SPINT2: variants seen among roughly 807,000 people sequenced by gnomAD.
The protein encoded by SPINT2 is serine peptidase inhibitor, Kunitz type 2, also known as kunitz-type protease inhibitor 2.
In SPINT2, 18 loss-of-function variants were observed where a neutral mutation model predicts 30.1. The observed-to-expected ratio is 0.60, with a 90% confidence interval of 0.41 to 0.89. SPINT2 has a LOEUF of 0.89. Among genes scored for constraint, SPINT2 ranks in the 40% least tolerant of loss-of-function variants. The pLI, the probability that SPINT2 is intolerant of heterozygous loss-of-function variation, is 0.00. For missense variants in SPINT2, 276 were observed against 334.3 expected (o/e 0.83, Z 1.36); for synonymous variants, 139 against 137.9 (o/e 1.01, Z -0.05).
Position 38,286,485 on chromosome 19 carries a change from A to G in SPINT2, c.278-1391A>G, listed in dbSNP as rs559195320. Among the ~76,000 whole-genome samples, 3 of 152,326 alleles carry G rather than the reference A, an allele frequency of 2.0e-5. No individual in the cohort carries two copies. In the South Asian group the frequency reaches 6.2e-4, roughly 32 times the overall value. ...GAGGTGTGGGAGATAAGCGCTGTGT[A>G]AAATGTATCATGTGGGCCGGGTGCG... On this transcript the variant is annotated intron_variant, in intron 2 of 6. Coordinates refer to ENST00000301244, the MANE Select transcript of SPINT2 (RefSeq NM_021102.4).
intron 1 of SPINT2, among the ~76,000 whole-genome samples, chr19:38,276,925 C>T (rs2014952): frequency 0.091 from 13,869 of 151,750 alleles, 2,090 homozygotes; most frequent in African/African-American, 0.31. Flanking sequence ...CTCAGCCTCC[C>T]GAGGAGCTGA....
chr19:38,282,265 G>A (rs1433445969), intron 1 of SPINT2, among the ~76,000 whole-genome samples: 2 of 152,186 alleles, frequency 1.3e-5, no homozygotes, highest in African/African-American at 2.4e-5. Flanking sequence ...AACAACTAGC[G>A]AGGAGTCAAT....
intron 4 of SPINT2, chr19:38,289,624 G>C: frequency 4.0e-6 from 1 of 248,998 alleles, no homozygotes; most frequent in South Asian, 4.9e-5. Context: ...CCCTCCCCAG[G>C]TGGTGGCAGC....
At chr19:38,287,746 T>C in intron 2 of SPINT2, 130 bp from the exon 3 acceptor site, 2 of 964,106 alleles carry the variant, frequency 2.1e-6, no homozygotes, top group Non-Finnish European at 3.4e-6. Flanking sequence ...TGGTCTGGCA[T>C]GCACATTGAA....
rs1008066589 is a variant in SPINT2, at chr19:38,265,006, C to T, written c.106+8C>T. 6.6e-7 allele frequency: 1 copy of T among 1,521,888 alleles called. No individual in the cohort carries two copies. Among genetic ancestry groups the T allele is most frequent in the Non-Finnish European group, 8.8e-7 (1 of 1,138,220 alleles). 94.3% of individuals were successfully genotyped at this position (1,521,888 alleles called of 1,614,324 possible). On this transcript the variant is annotated splice_region_variant and intron_variant, in intron 1 of 6. Transcript: ENST00000301244. ...GAGAACGCAGCATCCACGGTGAGGG[C>T]CGGGCGGGTAGGCTGGAGGCGGGGC...
intron 1 of SPINT2, among the ~76,000 whole-genome samples, chr19:38,273,150 A>T (rs1968476370): frequency 6.6e-6 from 1 of 152,190 alleles, no homozygotes. Flanking sequence ...TTTCCTCATA[A>T]ATACCTGAGG....
intron 1 of SPINT2, among the ~76,000 whole-genome samples, chr19:38,273,997 G>A (rs1010090448): frequency 4.6e-5 from 7 of 152,266 alleles, no homozygotes; most frequent in African/African-American, 9.6e-5. Flanking sequence ...TCAGGAGGCC[G>A]AGGCGGGTGG....
chr19:38,266,960 GGACAT>G (rs1266363112), intron 1 of SPINT2, among the ~76,000 whole-genome samples: 1 of 152,030 alleles, frequency 6.6e-6, no homozygotes. Context: ...CTCTGAGCTG[GGACAT>G]GGCCTCTTGC....
chr19:38,269,736 G>A (rs986414045), intron 1 of SPINT2, among the ~76,000 whole-genome samples: 3 of 150,624 alleles, frequency 2.0e-5, no homozygotes, highest in African/African-American at 7.3e-5. Flanking sequence ...TCAGCCTCCC[G>A]AGTACTGGGA....
chr19:38,267,321 C>T (rs1436933545), intron 1 of SPINT2, among the ~76,000 whole-genome samples: 2 of 152,168 alleles, frequency 1.3e-5, no homozygotes, highest in African/African-American at 2.4e-5. Context: ...TCTCCGGAAG[C>T]GAGTCATCCA....
chr19:38,288,041 GT>G, intron 3 of SPINT2, 106 bp downstream of exon 3: 2 of 1,413,352 alleles, frequency 1.4e-6, no homozygotes, highest in Non-Finnish European at 2.0e-6. Context: ...TCATGGTTCT[GT>G]TTACTCAAAA....
At chr19:38,265,100 G>T (rs927464359) in intron 1 of SPINT2, 102 bp downstream of exon 1, 18 of 986,318 alleles carry the variant, frequency 1.8e-5, no homozygotes, top group Admixed American at 2.6e-5. Context: ...GGAAACTGGG[G>T]GCTACTTGAT....
chr19:38,290,468 G>A lies in SPINT2; in HGVS notation c.554-69G>A. 6.2e-7 allele frequency: 1 copy of A among 1,613,032 alleles called. No homozygotes were observed. The highest frequency in any genetic ancestry group is 8.5e-7 in the Non-Finnish European group (1 of 1,179,474). On this transcript the variant is annotated intron_variant, in intron 5 of 6. Transcript: ENST00000301244. This position sits in a 1 kb window ranked among gnomAD's most constrained non-coding sequence, Gnocchi z 4.3. The stretch of plus-strand genomic sequence containing the variant: ...GCTCCCCATGGAGGCCCTGGCTGAG[G>A]GGATCCCCTGCGGCAGCTCTGTGGA...
In SPINT2 at chr19:38,289,925, G is replaced by A. The variant is rs1469533928; in HGVS notation, c.392-194G>A. The stretch of plus-strand genomic sequence containing the variant: ...GGCAGAGAGCAGCCTTCAAAGCTCC[G>A]AAGCCGTCACCTGGACCCAAGGAGC... On this transcript the variant is annotated intron_variant, in intron 4 of 6. Transcript: ENST00000301244. The A allele has an allele frequency of 3.2e-5, 21 of 654,326 alleles. 1 individual carries two copies. The highest frequency in any genetic ancestry group is 1.7e-4 in the Admixed American group (7 of 42,200). The allele number at this position is 654,326 out of a possible 1,614,324, so 40.5% of individuals were successfully genotyped here.
At chr19:38,269,017 T>C (rs1968415543) in intron 1 of SPINT2, among the ~76,000 whole-genome samples, 2 of 152,178 alleles carry the variant, frequency 1.3e-5, no homozygotes. Context: ...CCAATAACTT[T>C]GTGCCTGGCC....
intron 1 of SPINT2, among the ~76,000 whole-genome samples, chr19:38,273,315 A>G (rs1004402044): frequency 2.0e-5 from 3 of 152,196 alleles, no homozygotes; most frequent in Non-Finnish European, 2.9e-5. Flanking sequence ...AGATTTATAG[A>G]TCATCTTAAA....
intron 1 of SPINT2, among the ~76,000 whole-genome samples, chr19:38,270,183 G>A (rs1319515458): frequency 1.3e-5 from 2 of 152,188 alleles, no homozygotes; most frequent in Non-Finnish European, 2.9e-5. Context: ...CCCATGGATA[G>A]TCGTGACCCT....
intron 2 of SPINT2, among the ~76,000 whole-genome samples, chr19:38,286,841 T>G (rs1008936144): frequency 6.6e-6 from 1 of 152,142 alleles, no homozygotes; most frequent in Non-Finnish European, 1.5e-5. Flanking sequence ...GTTTTGTTTT[T>G]CTCCCCCCAA....
intron 1 of SPINT2, among the ~76,000 whole-genome samples, chr19:38,274,823 A>AAAC (rs1555715731): frequency 2.6e-5 from 4 of 151,822 alleles, no homozygotes; most frequent in African/African-American, 9.7e-5. Flanking sequence ...AAAAAAAAAA[A>AAAC]AAAACATAAA....
Sources: gnomAD v4.1 joint callset for allele counts (sites outside exome capture counted in the v4.1 genomes callset) on GRCh38, gnomAD v4.1.1 for gene constraint, Gnocchi (gnomAD v3.1) non-coding constraint, MANE v1.5 for transcripts, NCBI Gene and HGNC (gene_info 2026-07-23, HGNC 2026-07-21) for gene names.